The following EVI5 variants were observed in gnomAD, a reference collection of about 807,000 sequenced individuals.
The protein encoded by EVI5 is ecotropic viral integration site 5, also known as ecotropic viral integration site 5 protein homolog.
EVI5 carries 73 observed loss-of-function variants against 112.0 expected under a neutral mutation model. The observed-to-expected ratio is 0.65, with a 90% CI of 0.54 to 0.79. The LOEUF is 0.79. Ranked by LOEUF, EVI5 falls within the 30% of genes least tolerant of loss-of-function variation. The pLI is 0.00. For missense variants in EVI5, 900 were observed against 968.8 expected, an observed-to-expected ratio of 0.93 and a Z score of 0.94; for synonymous variants, 305 against 319.9, an observed-to-expected ratio of 0.95 and a Z score of 0.50.
At chr1:92,561,755 A>G (rs1394299617) in intron 19 of EVI5, among the ~76,000 whole-genome samples, 2 of 151,936 alleles carry the variant, frequency 1.3e-5, no homozygotes, top group East Asian at 3.9e-4. Context: ...CTCCTGCCCC[A>G]GCCTCCCCAG....
intron 13 of EVI5, among the ~76,000 whole-genome samples, chr1:92,642,482 T>C (rs1660177143): frequency 6.6e-6 from 1 of 152,214 alleles, no homozygotes; most frequent in South Asian, 2.1e-4. Flanking sequence ...CTATCTTGGA[T>C]TTTTAGAGAG....
intron 2 of EVI5, among the ~76,000 whole-genome samples, chr1:92,723,411 T>C (rs559272538): frequency 6.6e-6 from 1 of 152,358 alleles, no homozygotes; most frequent in East Asian, 1.9e-4. Context: ...GAAGATTTCA[T>C]GGACATTTAT....
At chr1:92,518,175 G>C (rs1311112393) in intron 19 of EVI5, among the ~76,000 whole-genome samples, 1 of 152,112 alleles carries the variant, frequency 6.6e-6, no homozygotes, top group Non-Finnish European at 1.5e-5. Flanking sequence ...TGGGATTACA[G>C]GTGTGAACCA....
chr1:92,567,445 T>C (rs150278127), intron 18 of EVI5, among the ~76,000 whole-genome samples: 31 of 152,334 alleles, frequency 2.0e-4, no homozygotes, highest in Non-Finnish European at 4.3e-4. Context: ...CCATTCATGG[T>C]ACCATGCTCT....
chr1:92,518,251 A>G (rs1036031083), intron 19 of EVI5, among the ~76,000 whole-genome samples: 2 of 152,144 alleles, frequency 1.3e-5, no homozygotes, highest in Admixed American at 6.6e-5. Context: ...TACATACTAC[A>G]TGAGTATCTT....
chr1:92,554,491 G>T (rs1382882741), intron 19 of EVI5, among the ~76,000 whole-genome samples: 1 of 152,096 alleles, frequency 6.6e-6, no homozygotes, highest in Non-Finnish European at 1.5e-5. Flanking sequence ...AACACTTCTG[G>T]TTTAAAAAAT....
intron 16 of EVI5, among the ~76,000 whole-genome samples, chr1:92,613,962 T>C (rs1167698752): frequency 6.6e-6 from 1 of 152,102 alleles, no homozygotes; most frequent in African/African-American, 2.4e-5. Flanking sequence ...AAGTAACAAA[T>C]GGAATACTGC....
intron 18 of EVI5, among the ~76,000 whole-genome samples, chr1:92,598,905 C>T (rs1357413254): frequency 6.6e-6 from 1 of 151,854 alleles, no homozygotes; most frequent in Non-Finnish European, 1.5e-5. Context: ...TTATTATAAA[C>T]AATATAACTA....
chr1:92,686,273 G>A (rs1028826214), intron 9 of EVI5, among the ~76,000 whole-genome samples: 13 of 152,034 alleles, frequency 8.6e-5, no homozygotes, highest in African/African-American at 2.7e-4. Context: ...AATCCACCAC[G>A]TAAACAGAAC....
intron 19 of EVI5, among the ~76,000 whole-genome samples, chr1:92,548,411 G>A (rs1313017454): frequency 6.6e-6 from 1 of 151,876 alleles, no homozygotes; most frequent in Non-Finnish European, 1.5e-5. Flanking sequence ...GACAAAAACT[G>A]GAAGCATTCC....
rs552009089 is a variant in EVI5 at position 92,635,716 on chromosome 1, C to A, written c.1527+486G>T. On this transcript the variant is annotated intron_variant, in intron 14 of 19. Coordinates refer to ENST00000684568, the MANE Select transcript of EVI5 (RefSeq NM_001350197.2). ...GCACCTGGTACGGCAGTTGGAAATG[C>A]AGAAATCATTCGTCTTCTGCGTCGC... Among the ~76,000 whole-genome samples the A allele has an allele frequency of 3.7e-4, 57 of 152,270 alleles. No homozygotes were observed. In the South Asian group the frequency reaches 0.01, roughly 27 times the overall value.
At chr1:92,531,569 A>C (rs915792543) in intron 19 of EVI5, among the ~76,000 whole-genome samples, 1 of 152,262 alleles carries the variant, frequency 6.6e-6, no homozygotes, top group Non-Finnish European at 1.5e-5. Flanking sequence ...AGGGAAGTCC[A>C]TCAGACTAAC....
chr1:92,781,427 T>C (rs973888551), intron 1 of EVI5, among the ~76,000 whole-genome samples: 2 of 151,412 alleles, frequency 1.3e-5, no homozygotes, highest in East Asian at 2.0e-4. Flanking sequence ...GTGGGAGGAA[T>C]GCTTGAGCAC....
At chr1:92,639,716 C>T (rs1292750049) in intron 13 of EVI5, among the ~76,000 whole-genome samples, 1 of 152,152 alleles carries the variant, frequency 6.6e-6, no homozygotes, top group Admixed American at 6.5e-5. Flanking sequence ...AGATTCAATG[C>T]TATTCCCATC....
chr1:92,779,006 G>A (rs1348385246), intron 1 of EVI5, among the ~76,000 whole-genome samples: 1 of 151,764 alleles, frequency 6.6e-6, no homozygotes, highest in Non-Finnish European at 1.5e-5. Context: ...TGATTATAAT[G>A]TGCAGCCGAA....
At chr1:92,777,705 T>C (rs1684333294) in intron 1 of EVI5, among the ~76,000 whole-genome samples, 1 of 152,148 alleles carries the variant, frequency 6.6e-6, no homozygotes, top group Non-Finnish European at 1.5e-5. Flanking sequence ...ACTTCCAAGG[T>C]GAGATGGCAG....
intron 2 of EVI5, among the ~76,000 whole-genome samples, chr1:92,707,970 T>C (rs1419980998): frequency 6.6e-6 from 1 of 152,112 alleles, no homozygotes; most frequent in Non-Finnish European, 1.5e-5. Flanking sequence ...ATCTGATAGA[T>C]GTTAGAACGA....
chr1:92,690,990 A>G (rs1669415285), intron 9 of EVI5, among the ~76,000 whole-genome samples: 1 of 152,226 alleles, frequency 6.6e-6, no homozygotes, highest in Non-Finnish European at 1.5e-5. Context: ...GTTAAATGAG[A>G]TAACAAGGAA....
chr1:92,739,688 T>C (rs958604262), intron 1 of EVI5, among the ~76,000 whole-genome samples: 6 of 152,100 alleles, frequency 3.9e-5, no homozygotes, highest in African/African-American at 1.2e-4. Context: ...CATGATTATA[T>C]CACTTTATAT....
Sources: allele counts gnomAD v4.1 joint callset (sites outside exome capture counted in the v4.1 genomes callset), GRCh38; gene constraint gnomAD v4.1.1; transcripts MANE v1.5; gene names NCBI Gene and HGNC (gene_info 2026-07-23, HGNC 2026-07-21).